The following ZNF347 variants were observed in gnomAD, a reference collection of about 807,000 sequenced individuals.
The protein encoded by ZNF347 is zinc finger protein 347.
In ZNF347, 19 loss-of-function variants were observed where a neutral mutation model predicts 12.9. That is an observed-to-expected ratio of 1.47 (90% CI 1.03 to 2.16). The LOEUF (loss-of-function observed/expected upper bound fraction) is 2.16. ZNF347 is among the 30% of genes most tolerant of loss of function. The pLI is 0.00. For synonymous variants in ZNF347, 328 were observed against 340.6 expected, an observed-to-expected ratio of 0.96 and a Z score of 0.41; for missense variants, 1,005 against 990.6, an observed-to-expected ratio of 1.01 and a Z score of -0.19.
chr19:53,143,001 G>A (rs189588162), intron 4 of ZNF347, among the ~76,000 whole-genome samples: 171 of 152,278 alleles, frequency 1.1e-3, no homozygotes, highest in African/African-American at 3.8e-3. Flanking sequence ...CAAACCATTT[G>A]TATATTTACT....
chr19:53,141,830 G>C lies in ZNF347; in HGVS notation c.998C>G (p.Ser333Ter). The change falls in exon 5 of 5, where the codon TCA (serine) becomes TGA (stop). Residue 333 changes from serine (S) to a stop codon, truncating the protein, a stop_gained. Coordinates refer to ENST00000334197, the MANE Select transcript of ZNF347 (RefSeq NM_032584.3). LOFTEE classifies it low-confidence loss of function (END_TRUNC). ...GKVFSRNSQL[S>*]QHQKIHTGEK... Reference sequence around the variant, plus strand: ...TCCAGTGTGAATTTTCTGATGTTGTGAGAGTTGTGAATTTCGACTAAAGAC... The same window carrying C: ...TCCAGTGTGAATTTTCTGATGTTGTCAGAGTTGTGAATTTCGACTAAAGAC... 1.2e-6 allele frequency: 2 copies of C among 1,614,052 alleles called. No individual in the cohort carries two copies. Among genetic ancestry groups the C allele is most frequent in the Non-Finnish European group, 8.5e-7 (1 of 1,179,990 alleles).
intron 1 of ZNF347, among the ~76,000 whole-genome samples, chr19:53,156,057 G>A (rs563571073): frequency 1.5e-5 from 2 of 132,648 alleles, no homozygotes; most frequent in Non-Finnish European, 3.2e-5. Context: ...GGGGGGGGGG[G>A]GGGTTAGGCG....
chr19:53,149,233 A>C lies in ZNF347; in HGVS notation c.142+8T>G, dbSNP rs2090482032. 1.9e-6 allele frequency: 3 copies of C among 1,610,960 alleles called. No homozygotes were observed. In the South Asian group the frequency reaches 3.3e-5, roughly 18 times the overall value. On this transcript the variant is annotated splice_region_variant and intron_variant, in intron 3 of 4. Transcript: ENST00000334197. ...AGATCCTGACTTCTGGAAGAAAGTC[A>C]TCCTCACCCAGGGAGGCCAGGTTCC...
At chr19:53,148,369 G>C (rs2090475932) in intron 4 of ZNF347, among the ~76,000 whole-genome samples, 1 of 152,188 alleles carries the variant, frequency 6.6e-6, no homozygotes, top group Admixed American at 6.5e-5. Flanking sequence ...AACACCAAAG[G>C]AGATGAAATA....
chr19:53,140,529 A>G lies in ZNF347; in HGVS notation c.2299T>C (p.Cys767Arg). ...GIHTGEKPYK[C>R]NECGKAFSQT... ...CTAAAGGCTTTGCCACACTCATTAC[A>G]CTTGTAAGGTTTCTCTCCAGTATGA... The change falls in exon 5 of 5, where the codon TGT becomes CGT. Residue 767 changes from cysteine to arginine, a missense_variant. Transcript: ENST00000334197. 6.2e-7 allele frequency: 1 copy of G among 1,613,872 alleles called. No individual in the cohort carries two copies. Among genetic ancestry groups the G allele is most frequent in the Non-Finnish European group, 8.5e-7 (1 of 1,179,916 alleles).
At chr19:53,153,667 A>T (rs1039334857) in intron 2 of ZNF347, 66 bp downstream of exon 2, 2 of 1,590,872 alleles carry the variant, frequency 1.3e-6, no homozygotes, top group African/African-American at 2.7e-5. Flanking sequence ...AAGATTCCCA[A>T]CTTCAAAGAA....
At chr19:53,153,689 GAAGA>G (rs1291221091) in intron 2 of ZNF347, 40 bp downstream of exon 2, 2 of 1,600,748 alleles carry the variant, frequency 1.2e-6, no homozygotes, top group South Asian at 1.1e-5. Flanking sequence ...GACATTTCAA[GAAGA>G]AATAAGAGAC....
At position 53,148,697 on chromosome 19, in the gene ZNF347, G is replaced by C; in HGVS notation, c.255C>G (p.Ile85Met). Residue 85 changes from isoleucine to methionine, a missense_variant, in exon 4 of 5, where the codon ATC (isoleucine) becomes ATG (methionine). Ile to Met is a conservative substitution (Grantham distance 10). Transcript: ENST00000334197. ...IAGNPDGWEW[I>M]KAVITALSSE... ...AACTCTTACCTGTGATCACAGCTTT[G>C]ATCCATTCCCATCCATCTGGGTTTC... 6.2e-7 allele frequency: 1 copy of C among 1,613,628 alleles called. No individual in the cohort carries two copies. Among genetic ancestry groups the C allele is most frequent in the South Asian group, 1.1e-5 (1 of 91,004 alleles).
At position 53,152,087 on chromosome 19, in the gene ZNF347, T is replaced by C. The variant is rs373995569; in HGVS notation, c.15+1646A>G. ...CAGCCTGGGTGACAGAGTGAGACTC[T>C]GTCTCAAAAAAAAAAAAAAAAAAAT... On this transcript the variant is annotated intron_variant, in intron 2 of 4. Transcript: ENST00000334197. 6.5e-4 allele frequency among the ~76,000 whole-genome samples: 53 copies of C among 82,066 alleles called. 2 individuals carry two copies. The highest frequency in any genetic ancestry group is 1.0e-3 in the Admixed American group (7 of 6,806). 53.8% of individuals were successfully genotyped at this position (82,066 alleles called of 152,430 possible).
At position 53,149,078 on chromosome 19, in the gene ZNF347, G is replaced by A. The variant is rs1046042691; in HGVS notation, c.142+163C>T. The A allele has an allele frequency of 7.9e-6, 11 of 1,399,326 alleles. No individual in the cohort carries two copies. In the East Asian group the frequency reaches 2.6e-4, roughly 34 times the overall value. The allele number at this position is 1,399,326 out of a possible 1,614,324, so 86.7% of individuals were successfully genotyped here. A position where few individuals can be genotyped will look rare whatever the true frequency, so the allele number is the denominator to read the frequency against. The stretch of plus-strand genomic sequence containing the variant: ...TGAAACCCTCCAGTGACATCAGGAA[G>A]AGGAAAATTAAAATCCAGTTTCCAC... On this transcript the variant is annotated intron_variant, in intron 3 of 4. Coordinates refer to ENST00000334197, the MANE Select transcript of ZNF347 (RefSeq NM_032584.3).
Position 53,135,862 on chromosome 19 carries a change from C to G in ZNF347, c.*4446G>C, listed in dbSNP as rs2090386140. ...AAATCACTTATTAAAGAATATATAT[C>G]AGTTTTTTAAAATGGAAACAAATCT... On this transcript the variant is annotated 3_prime_UTR_variant, in exon 5 of 5. Transcript: ENST00000334197. The G allele has an allele frequency of 6.6e-6, 1 of 151,954 alleles. No homozygotes were observed. The highest frequency in any genetic ancestry group is 2.1e-4 in the South Asian group (1 of 4,816). 9.4% of individuals were successfully genotyped at this position (151,954 alleles called of 1,614,324 possible). A position where few individuals can be genotyped will look rare whatever the true frequency, so the allele number is the denominator to read the frequency against.
Position 53,139,076 on chromosome 19 carries a change from C to T in ZNF347, c.*1232G>A, listed in dbSNP as rs1335963395. On this transcript the variant is annotated 3_prime_UTR_variant, in exon 5 of 5. Coordinates refer to ENST00000334197, the MANE Select transcript of ZNF347 (RefSeq NM_032584.3). ...GTAGAGAAAGTGGCAACCATTTCCC[C>T]TGCACTATTCCCATCACATAATCAG... 6.6e-6 allele frequency: 1 copy of T among 152,120 alleles called. No individual in the cohort carries two copies. The highest frequency in any genetic ancestry group is 1.5e-5 in the Non-Finnish European group (1 of 68,020). 9.4% of individuals were successfully genotyped at this position (152,120 alleles called of 1,614,324 possible).
chr19:53,145,365 T>A (rs888482600), intron 4 of ZNF347, among the ~76,000 whole-genome samples: 2 of 149,656 alleles, frequency 1.3e-5, no homozygotes, highest in African/African-American at 4.9e-5. Context: ...ACTGAGTTAA[T>A]GAAGAAATTA....
intron 1 of ZNF347, among the ~76,000 whole-genome samples, chr19:53,154,944 T>G (rs966335717): frequency 1.4e-5 from 2 of 144,778 alleles, no homozygotes; most frequent in Non-Finnish European, 3.1e-5. Flanking sequence ...TTTTGTTTTG[T>G]TTTTTTTTTT....
At position 53,135,186 on chromosome 19, in the gene ZNF347, T is replaced by C. The variant is rs897624903; in HGVS notation, c.*5122A>G. 3 of 151,950 alleles carry C rather than the reference T, an allele frequency of 2.0e-5. No individual in the cohort carries two copies. The highest frequency in any genetic ancestry group is 7.3e-5 in the African/African-American group (3 of 41,342). 9.4% of individuals were successfully genotyped at this position (151,950 alleles called of 1,614,324 possible). A position where few individuals can be genotyped will look rare whatever the true frequency, so the allele number is the denominator to read the frequency against. On this transcript the variant is annotated 3_prime_UTR_variant, in exon 5 of 5. Coordinates refer to ENST00000334197, the MANE Select transcript of ZNF347 (RefSeq NM_032584.3). The stretch of plus-strand genomic sequence containing the variant: ...AAGATGAGTCTTTTAAAGCAGAATA[T>C]GCTGAGATCTGAGATTTGATGGATG...
At chr19:53,150,748 A>C (rs1382308930) in intron 2 of ZNF347, among the ~76,000 whole-genome samples, 1 of 152,094 alleles carries the variant, frequency 6.6e-6, no homozygotes, top group Non-Finnish European at 1.5e-5. Flanking sequence ...TTACTTACTT[A>C]CTTATTTTTT....
In ZNF347 at chr19:53,154,487, C is replaced by A. The variant is rs73583169; in HGVS notation, c.-46-694G>T. 9.2e-3 allele frequency among the ~76,000 whole-genome samples: 1,400 copies of A among 152,052 alleles called. 20 individuals carry two copies. Among genetic ancestry groups the A allele is most frequent in the African/African-American group, 0.032 (1,326 of 41,444 alleles). On this transcript the variant is annotated intron_variant, in intron 1 of 4. Coordinates refer to ENST00000334197, the MANE Select transcript of ZNF347 (RefSeq NM_032584.3). Reference sequence around the variant, plus strand: ...CATGAGCTGAGTTGATAAGGAAAGGCAATGAGTGCGGACAGAGAAAAAAGT... The same window carrying A: ...CATGAGCTGAGTTGATAAGGAAAGGAAATGAGTGCGGACAGAGAAAAAAGT...
At position 53,135,741 on chromosome 19, in the gene ZNF347, A is replaced by G. The variant is rs1440170691; in HGVS notation, c.*4567T>C. On this transcript the variant is annotated 3_prime_UTR_variant, in exon 5 of 5. Transcript: ENST00000334197. ...TGAAATGAGAATATCATTAATACTT[A>G]TTTCAGGAGCTGATGATTCAGTTGT... is the stretch of plus-strand genomic sequence containing the variant. 2 of 152,182 alleles carry G rather than the reference A, an allele frequency of 1.3e-5. No individual in the cohort carries two copies. Among genetic ancestry groups the G allele is most frequent in the African/African-American group, 4.8e-5 (2 of 41,432 alleles). The allele number at this position is 152,182 out of a possible 1,614,324, so 9.4% of individuals were successfully genotyped here. A position where few individuals can be genotyped will look rare whatever the true frequency, so the allele number is the denominator to read the frequency against.
At chr19:53,153,866 A>G (rs2090514670) in intron 1 of ZNF347, 73 bp from the exon 2 acceptor site, 1 of 1,122,784 alleles carries the variant, frequency 8.9e-7, no homozygotes, top group Non-Finnish European at 1.3e-6. Context: ...GCTCAGAATC[A>G]ACACATCCCC....
Sources: gnomAD v4.1 joint callset for allele counts (sites outside exome capture counted in the v4.1 genomes callset) on GRCh38, gnomAD v4.1.1 for gene constraint, MANE v1.5 for transcripts, NCBI Gene and HGNC (gene_info 2026-07-23, HGNC 2026-07-21) for gene names.